Variants in DAB1 observed in about 807,000 individuals in gnomAD.
The protein encoded by DAB1 is DAB adaptor protein 1.
In DAB1, 15 loss-of-function variants were observed where a neutral mutation model predicts 64.6. The ratio of observed to expected loss-of-function variants is 0.23; its 90% CI spans 0.16 to 0.36. DAB1 has a LOEUF of 0.36. DAB1 is among the 10% of genes least tolerant of loss of function. The probability of loss-of-function intolerance (pLI) is 1.00; values close to 1 mark genes in which losing one functional copy is unlikely to be tolerated. For synonymous variants in DAB1, 235 were observed against 251.9 expected (o/e 0.93, Z 0.64); for missense variants, 596 against 706.7 (o/e 0.84, Z 1.78).
chr1:57,015,357 C>A lies in DAB1; in HGVS notation c.970G>T (p.Gly324Cys). 1.9e-6 allele frequency: 3 copies of A among 1,614,070 alleles called. No homozygotes were observed. Among genetic ancestry groups the A allele is most frequent in the South Asian group, 1.1e-5 (1 of 91,070 alleles). The part of the protein sequence containing the change: ...QPLVQQQMVM[G>C]AQPPVAQVMP... ...ACCTGAGCGACTGGTGGCTGGGCAC[C>A]CATGACCATCTGCTGTTGGACGAGG... The change falls in exon 12 of 15, where the codon GGT (glycine) becomes TGT (cysteine). Residue 324 changes from glycine to cysteine, a missense_variant. By Grantham distance (159) the Gly-to-Cys change is radical. Transcript: ENST00000371236.
chr1:58,072,576 CAGA>C (rs1649345182), intron 5 of DAB1, among the ~76,000 whole-genome samples: 1 of 152,086 alleles, frequency 6.6e-6, no homozygotes, highest in Non-Finnish European at 1.5e-5. Context: ...GGAATCAAGT[CAGA>C]TAGATCTGTC....
intron 4 of DAB1, among the ~76,000 whole-genome samples, chr1:58,169,378 C>T (rs1436282475): frequency 1.3e-5 from 2 of 152,072 alleles, no homozygotes; most frequent in Non-Finnish European, 2.9e-5. Flanking sequence ...ACAAACAAAC[C>T]AAAACCACGT....
chr1:58,009,471 C>T (rs1646636370), intron 5 of DAB1, among the ~76,000 whole-genome samples: 1 of 152,132 alleles, frequency 6.6e-6, no homozygotes, highest in Non-Finnish European at 1.5e-5. Context: ...TATTGGGACT[C>T]ATTCTACCTA....
chr1:58,337,301 A>G (rs188247853), intron 4 of DAB1, among the ~76,000 whole-genome samples: 23 of 150,846 alleles, frequency 1.5e-4, no homozygotes, highest in African/African-American at 5.4e-4. Flanking sequence ...AAAAAAAAAA[A>G]GCAAAGTAAA....
intron 4 of DAB1, among the ~76,000 whole-genome samples, chr1:57,135,175 T>C (rs1657977713): frequency 6.6e-6 from 1 of 152,224 alleles, no homozygotes. Context: ...TTCACATTTT[T>C]GTGCAACCAA....
chr1:57,567,747 C>A (rs565031060), intron 7 of DAB1, among the ~76,000 whole-genome samples: 2 of 152,130 alleles, frequency 1.3e-5, no homozygotes, highest in Non-Finnish European at 2.9e-5. Context: ...TCAAGGAGAA[C>A]TACAAACCAC....
Position 57,743,416 on chromosome 1 carries a change from C to T in DAB1, n.552-93751G>A, listed in dbSNP as rs1263560338. 2.0e-5 allele frequency among the ~76,000 whole-genome samples: 3 copies of T among 152,228 alleles called. No individual in the cohort carries two copies. In the East Asian group the frequency reaches 5.8e-4, roughly 29 times the overall value. ...CATTGCTCTTAACTTCACCACCTAT[C>T]CCCAAACCTATAAGAACTAATGATA... is the stretch of plus-strand genomic sequence containing the variant. On this transcript the variant is annotated intron_variant and non_coding_transcript_variant, in intron 6 of 20. Transcript: ENST00000485760.
At chr1:57,735,508 T>C (rs1570779768) in intron 6 of DAB1, among the ~76,000 whole-genome samples, 1 of 151,126 alleles carries the variant, frequency 6.6e-6, no homozygotes, top group Admixed American at 6.6e-5. Context: ...CCAAGCAAGA[T>C]AAAATGCCTC....
chr1:57,171,522 T>C (rs1296213466), intron 2 of DAB1, among the ~76,000 whole-genome samples: 3 of 152,124 alleles, frequency 2.0e-5, no homozygotes, highest in South Asian at 2.1e-4. Context: ...TGTTTCAAAA[T>C]GACAAGAATG....
In DAB1 at chr1:57,913,404, C is replaced by A. The variant is rs867737100; in HGVS notation, n.388-29242G>T. ...TTGGCTAGCCATATGTAGAAAGCTG[C>A]AACTGGATCCCTTCCTTACACCTTT... On this transcript the variant is annotated intron_variant and non_coding_transcript_variant, in intron 5 of 20. Transcript: ENST00000485760. 1.3e-3 allele frequency among the ~76,000 whole-genome samples: 197 copies of A among 152,226 alleles called. 5 individuals are homozygous for A. The South Asian group carries it at 0.036, about 28-fold the overall frequency.
At chr1:57,723,932 C>A (rs894320212) in intron 6 of DAB1, among the ~76,000 whole-genome samples, 3 of 152,110 alleles carry the variant, frequency 2.0e-5, no homozygotes, top group Admixed American at 6.6e-5. Flanking sequence ...AAGAAAAAAA[C>A]CTGTAACTAT....
chr1:57,802,980 C>G (rs1651198956), intron 6 of DAB1, among the ~76,000 whole-genome samples: 2 of 152,032 alleles, frequency 1.3e-5, no homozygotes, highest in Non-Finnish European at 2.9e-5. Context: ...GAGAGCTGAC[C>G]AGGAAGAGCA....
At chr1:57,079,878 T>C (rs1652328782) in intron 4 of DAB1, among the ~76,000 whole-genome samples, 1 of 152,146 alleles carries the variant, frequency 6.6e-6, no homozygotes, top group East Asian at 1.9e-4. Flanking sequence ...CTTCCTCGAC[T>C]TTTCCACTGG....
chr1:57,971,767 T>C (rs1645802110), intron 5 of DAB1, among the ~76,000 whole-genome samples: 1 of 152,176 alleles, frequency 6.6e-6, no homozygotes, highest in Admixed American at 6.5e-5. Flanking sequence ...TTTAGTAAAA[T>C]TGTGAATGGT....
At chr1:57,482,910 G>A (rs1050910123) in intron 7 of DAB1, among the ~76,000 whole-genome samples, 2 of 152,156 alleles carry the variant, frequency 1.3e-5, no homozygotes, top group African/African-American at 4.8e-5. Flanking sequence ...ACACAAAAGA[G>A]AGCACAGAGA....
intron 1 of DAB1, among the ~76,000 whole-genome samples, chr1:57,398,949 T>G (rs1415524977): frequency 6.6e-6 from 1 of 152,214 alleles, no homozygotes; most frequent in Admixed American, 6.5e-5. Context: ...CTCCTGGTAT[T>G]GAAGTCCTTC....
chr1:57,635,664 A>G (rs1452066742), intron 7 of DAB1, among the ~76,000 whole-genome samples: 3 of 152,336 alleles, frequency 2.0e-5, no homozygotes, highest in Non-Finnish European at 4.4e-5. Context: ...AATAATATAA[A>G]TAAATTACAC....
At chr1:57,011,003 G>A in intron 13 of DAB1, 142 bp downstream of exon 13, 1 of 1,122,586 alleles carries the variant, frequency 8.9e-7, no homozygotes, top group Non-Finnish European at 1.3e-6. Flanking sequence ...ACAAAAGAAA[G>A]CCCCTTTAGC....
chr1:57,582,410 A>G (rs1176275038), intron 7 of DAB1, among the ~76,000 whole-genome samples: 1 of 152,142 alleles, frequency 6.6e-6, no homozygotes, highest in Admixed American at 6.5e-5. Context: ...CCATGATCCA[A>G]TCACCTCCCA....
Sources: allele counts gnomAD v4.1 joint callset (sites outside exome capture counted in the v4.1 genomes callset), GRCh38; gene constraint gnomAD v4.1.1; transcripts MANE v1.5; gene names NCBI Gene and HGNC (gene_info 2026-07-23, HGNC 2026-07-21).